Variants in RIMS1 observed in about 807,000 individuals in gnomAD.
RIMS1 encodes the protein regulating synaptic membrane exocytosis 1, also known as regulating synaptic membrane exocytosis protein 1.
Under a neutral mutation model 214.1 loss-of-function variants are expected in RIMS1, and 83 were observed. That is an observed-to-expected ratio of 0.39 (90% CI 0.32 to 0.47). The LOEUF is 0.47. RIMS1 is among the 20% of genes least tolerant of loss of function. RIMS1 has a pLI of 0.99. For missense variants in RIMS1, 2,050 were observed against 2,161.8 expected (o/e 0.95, Z 1.03); for synonymous variants, 793 against 786.8 (o/e 1.01, Z -0.13).
At chr6:72,026,189 A>G (rs1484853981) in intron 2 of RIMS1, among the ~76,000 whole-genome samples, 1 of 152,196 alleles carries the variant, frequency 6.6e-6, no homozygotes, top group African/African-American at 2.4e-5. Flanking sequence ...CCACATTTCA[A>G]GAAAAACAGC....
At chr6:72,272,198 A>G (rs550129545) in intron 22 of RIMS1, among the ~76,000 whole-genome samples, 5 of 152,292 alleles carry the variant, frequency 3.3e-5, no homozygotes, top group South Asian at 2.1e-4. Flanking sequence ...GAAGCTATGT[A>G]TATTTCTCAA....
At chr6:71,976,930 G>T (rs1395384738) in intron 2 of RIMS1, among the ~76,000 whole-genome samples, 1 of 152,010 alleles carries the variant, frequency 6.6e-6, no homozygotes, top group Non-Finnish European at 1.5e-5. Flanking sequence ...GTGTGAATGG[G>T]TCTTTGATAT....
intron 2 of RIMS1, among the ~76,000 whole-genome samples, chr6:72,055,145 G>A (rs1825811753): frequency 1.3e-5 from 2 of 152,090 alleles, no homozygotes; most frequent in Admixed American, 6.6e-5. Flanking sequence ...AAATAATAGA[G>A]GGACATTTGA....
chr6:72,027,722 C>A (rs1816944180), intron 2 of RIMS1, among the ~76,000 whole-genome samples: 1 of 151,894 alleles, frequency 6.6e-6, no homozygotes, highest in Non-Finnish European at 1.5e-5. Context: ...GAGACTGTAT[C>A]CCATGCTTTA....
intron 3 of RIMS1, 83 bp from the exon 4 acceptor site, chr6:72,099,892 A>G (rs1323365147): frequency 2.3e-5 from 26 of 1,106,570 alleles, no homozygotes; most frequent in Non-Finnish European, 3.3e-5. Flanking sequence ...TCTTAAAACC[A>G]ATTTATTAAT....
chr6:71,987,468 G>A (rs567421326), intron 2 of RIMS1, among the ~76,000 whole-genome samples: 2 of 152,210 alleles, frequency 1.3e-5, no homozygotes, highest in South Asian at 2.1e-4. Flanking sequence ...CATTTATGAG[G>A]GCTCTGCCTC....
At chr6:72,255,274 T>C (rs962511707) in intron 16 of RIMS1, among the ~76,000 whole-genome samples, 2 of 152,192 alleles carry the variant, frequency 1.3e-5, no homozygotes, top group African/African-American at 4.8e-5. Flanking sequence ...TGCGTCTACG[T>C]TTCCTAGCAT....
intron 2 of RIMS1, among the ~76,000 whole-genome samples, chr6:72,046,839 C>G (rs1823196506): frequency 6.6e-6 from 1 of 152,080 alleles, no homozygotes; most frequent in African/African-American, 2.4e-5. Context: ...TTATACTTCT[C>G]TGTTCTTTAA....
intron 1 of RIMS1, among the ~76,000 whole-genome samples, chr6:71,967,691 A>G (rs189097044): frequency 6.7e-4 from 102 of 152,238 alleles, no homozygotes; most frequent in African/African-American, 2.4e-3. Context: ...TTTAGCATCA[A>G]CTCTTGATGA....
chr6:72,194,262 T>G (rs2050516927), intron 6 of RIMS1, among the ~76,000 whole-genome samples: 1 of 152,064 alleles, frequency 6.6e-6, no homozygotes, highest in South Asian at 2.1e-4. Context: ...ATGTCATTTT[T>G]GAATCTCAGG....
intron 2 of RIMS1, among the ~76,000 whole-genome samples, chr6:72,062,824 A>G (rs66873996): frequency 0.07 from 10,628 of 152,158 alleles, 419 homozygotes; most frequent in Middle Eastern, 0.1. Flanking sequence ...CTTGGTTTGT[A>G]GAGGCATCAC....
At chr6:72,100,718 C>T (rs1302757114) in intron 4 of RIMS1, among the ~76,000 whole-genome samples, 1 of 132,950 alleles carries the variant, frequency 7.5e-6, no homozygotes, top group African/African-American at 2.6e-5. Context: ...TAAACTTCCT[C>T]GCAGCTCATT....
intron 4 of RIMS1, chr6:72,175,498 C>A: frequency 5.2e-6 from 1 of 193,018 alleles, no homozygotes; most frequent in Non-Finnish European, 1.1e-5. Context: ...CATGGTGAAA[C>A]ACCGTCTCTA....
At chr6:72,197,048 C>T (rs1339630056) in intron 6 of RIMS1, among the ~76,000 whole-genome samples, 2 of 152,096 alleles carry the variant, frequency 1.3e-5, no homozygotes, top group Admixed American at 1.3e-4. Flanking sequence ...TATCAAGAAG[C>T]AATTCAGCAC....
At chr6:72,092,850 G>T (rs530850926) in intron 2 of RIMS1, among the ~76,000 whole-genome samples, 1 of 152,038 alleles carries the variant, frequency 6.6e-6, no homozygotes, top group Admixed American at 6.6e-5. Flanking sequence ...AGATCTCACC[G>T]TCATACCTCA....
intron 4 of RIMS1, among the ~76,000 whole-genome samples, chr6:72,122,608 G>T (rs62408074): frequency 1.3e-5 from 2 of 151,460 alleles, no homozygotes; most frequent in Non-Finnish European, 3.0e-5. Context: ...TCTGGTCCTG[G>T]ACTTTTTTTG....
At chr6:72,257,162 A>G (rs2076198445) in intron 16 of RIMS1, among the ~76,000 whole-genome samples, 1 of 151,590 alleles carries the variant, frequency 6.6e-6, no homozygotes, top group Non-Finnish European at 1.5e-5. Context: ...TAACATATTT[A>G]TGGTTTATGT....
chr6:72,180,004 A>G (rs2048199948), intron 5 of RIMS1, 89 bp downstream of exon 5: 1 of 923,202 alleles, frequency 1.1e-6, no homozygotes, highest in Admixed American at 3.1e-5. Context: ...ATTACGAGGA[A>G]TATGTGGAAG....
At chr6:72,045,174 A>G (rs1822613309) in intron 2 of RIMS1, among the ~76,000 whole-genome samples, 1 of 151,934 alleles carries the variant, frequency 6.6e-6, no homozygotes, top group Non-Finnish European at 1.5e-5. Context: ...GAAAACAGTG[A>G]CTCGGGGAGA....
Sources: gnomAD v4.1 joint callset for allele counts (sites outside exome capture counted in the v4.1 genomes callset) on GRCh38, gnomAD v4.1.1 for gene constraint, MANE v1.5 for transcripts, NCBI Gene and HGNC (gene_info 2026-07-23, HGNC 2026-07-21) for gene names.